The following TSPEAR variants were observed in gnomAD, a reference collection of about 807,000 sequenced individuals.
TSPEAR encodes the protein thrombospondin type laminin G domain and EAR repeats, also known as thrombospondin-type laminin G domain and EAR repeat-containing protein.
Under a neutral mutation model 71.6 loss-of-function variants are expected in TSPEAR, and 69 were observed. The ratio of observed to expected loss-of-function variants is 0.96; its 90% CI spans 0.79 to 1.18. The LOEUF is 1.18. Among genes scored for constraint, TSPEAR ranks in the 50% most tolerant of loss-of-function variants. The probability of loss-of-function intolerance (pLI) is 0.00; values close to 1 mark genes in which losing one functional copy is unlikely to be tolerated. For synonymous variants in TSPEAR, 402 were observed against 387.2 expected (o/e 1.04, Z -0.45); for missense variants, 971 against 894.9 (o/e 1.09, Z -1.09).
At chr21:44,557,501 T>G (rs1601412458) in intron 2 of TSPEAR, among the ~76,000 whole-genome samples, 1 of 149,850 alleles carries the variant, frequency 6.7e-6, no homozygotes, top group African/African-American at 2.5e-5. Flanking sequence ...TGAGTGGGGG[T>G]CAGACAGGCA....
chr21:44,678,690 C>A (rs1986439460), intron 1 of TSPEAR, among the ~76,000 whole-genome samples: 1 of 152,160 alleles, frequency 6.6e-6, no homozygotes, highest in African/African-American at 2.4e-5. Context: ...CAAATTGTCC[C>A]TCTTTGCACA....
At chr21:44,513,680 G>C (rs2052466666) in intron 9 of TSPEAR, among the ~76,000 whole-genome samples, 1 of 152,224 alleles carries the variant, frequency 6.6e-6, no homozygotes, top group South Asian at 2.1e-4. Context: ...CCGGTAATCA[G>C]TGGATTAGTT....
Position 44,499,558 on chromosome 21 carries a change from C to T in TSPEAR, c.*225G>A. ...CACTGGCAGGGGCTCTGGGCCTCTG[C>T]CTGCAAGACCAGACCGTCACTGGGG... On this transcript the variant is annotated 3_prime_UTR_variant, in exon 12 of 12. Coordinates refer to ENST00000323084, the MANE Select transcript of TSPEAR (RefSeq NM_144991.3). 1.9e-6 allele frequency: 1 copy of T among 516,158 alleles called. No individual in the cohort carries two copies. The highest frequency in any genetic ancestry group is 3.4e-6 in the Non-Finnish European group (1 of 296,940). 32.0% of individuals were successfully genotyped at this position (516,158 alleles called of 1,614,324 possible). A position where few individuals can be genotyped will look rare whatever the true frequency, so the allele number is the denominator to read the frequency against.
intron 1 of TSPEAR, among the ~76,000 whole-genome samples, chr21:44,599,134 T>TTCTCTCCCTCTCTCTCTCTCTCTC (rs1980577167): frequency 1.1e-5 from 1 of 92,280 alleles, no homozygotes; most frequent in Non-Finnish European, 2.4e-5. Flanking sequence ...GGCCCCCATT[T>TTCTCTCCCTCTCTCTCTCTCTCTC]TCTCTCTCTC....
chr21:44,606,058 G>A (rs190179616), intron 1 of TSPEAR, among the ~76,000 whole-genome samples: 134 of 150,722 alleles, frequency 8.9e-4, no homozygotes, highest in African/African-American at 3.2e-3. Flanking sequence ...ATTTGATGAG[G>A]GACTACTACT....
In TSPEAR at chr21:44,697,767, G is replaced by A. The variant is rs1987442347; in HGVS notation, c.82+13666C>T. The A allele has an allele frequency of 1.2e-6, 2 of 1,613,960 alleles. No individual in the cohort carries two copies. The highest frequency in any genetic ancestry group is 1.7e-6 in the Non-Finnish European group (2 of 1,179,982). On this transcript the variant is annotated intron_variant, in intron 1 of 11. Transcript: ENST00000323084. ...CCAGCTTGCTGCACCACCTCCTGCT[G>A]CAGACCCTCCTCCTCCGTGTCCCTC...
At position 44,506,960 on chromosome 21, in the gene TSPEAR, C is replaced by T. The variant is rs1215180007; in HGVS notation, c.1755-2079G>A. 1 of 152,264 alleles carries T rather than the reference C, an allele frequency of 6.6e-6. No individual in the cohort carries two copies. The highest frequency in any genetic ancestry group is 1.5e-5 in the Non-Finnish European group (1 of 68,062). 9.4% of individuals were successfully genotyped at this position (152,264 alleles called of 1,614,324 possible). A position where few individuals can be genotyped will look rare whatever the true frequency, so the allele number is the denominator to read the frequency against. On this transcript the variant is annotated intron_variant, in intron 10 of 11. Transcript: ENST00000323084. This position sits in a 1 kb window ranked among gnomAD's most constrained non-coding sequence, Gnocchi z 4.2. ...TCGCTGTAGGACAGATGTTATTCTTCAGAATCACGCCCTCTGGCAAATGCC... is the reference window on the plus strand; with the variant it reads ...TCGCTGTAGGACAGATGTTATTCTTTAGAATCACGCCCTCTGGCAAATGCC...
At chr21:44,657,370 A>G (rs1480587982) in intron 1 of TSPEAR, among the ~76,000 whole-genome samples, 2 of 152,246 alleles carry the variant, frequency 1.3e-5, no homozygotes, top group African/African-American at 4.8e-5. Flanking sequence ...TGTAAAGGGC[A>G]GACAGCAAAT....
intron 2 of TSPEAR, chr21:44,540,238 G>T (rs1267033227): frequency 1.1e-5 from 17 of 1,557,974 alleles, no homozygotes; most frequent in Non-Finnish European, 1.4e-5. Context: ...GTGTGTGAGT[G>T]AGTGTGTGAG....
rs1380245815 is a variant in TSPEAR at position 44,546,951 on chromosome 21, A to AT, written c.304-13029dup. Reference sequence around the variant, plus strand: ...AGTTTTGGCCATTATTTCTTCAATTATTTTTTCTGCTCCCCCTGTCTCCCC... The same window carrying AT: ...AGTTTTGGCCATTATTTCTTCAATTATTTTTTTCTGCTCCCCCTGTCTCCCC... On this transcript the variant is annotated intron_variant, in intron 2 of 11. Coordinates refer to ENST00000323084, the MANE Select transcript of TSPEAR (RefSeq NM_144991.3). The surrounding 1 kb of genome is among the most constrained non-coding windows in gnomAD (Gnocchi z 4.4). Among the ~76,000 whole-genome samples, 2 of 151,864 alleles carry AT rather than the reference A, an allele frequency of 1.3e-5. No homozygotes were observed. Among genetic ancestry groups the AT allele is most frequent in the South Asian group, 4.2e-4 (2 of 4,814 alleles).
At chr21:44,631,025 A>G (rs1234373056) in intron 1 of TSPEAR, among the ~76,000 whole-genome samples, 1 of 152,224 alleles carries the variant, frequency 6.6e-6, no homozygotes, top group Non-Finnish European at 1.5e-5. Context: ...GTTTTCAACA[A>G]AAATTATGAG....
In TSPEAR at chr21:44,540,720, A is replaced by G. The variant is rs1276033984; in HGVS notation, c.304-6797T>C. Among the ~76,000 whole-genome samples the G allele has an allele frequency of 3.3e-5, 5 of 152,186 alleles. No homozygotes were observed. In the South Asian group the frequency reaches 8.3e-4, roughly 25 times the overall value. On this transcript the variant is annotated intron_variant, in intron 2 of 11. Transcript: ENST00000323084. Reference sequence around the variant, plus strand: ...GGTGGCCCTGCACATTCCTTCCCCCATCCCCATCACTGAAGAAATTAGAGC... The same window carrying G: ...GGTGGCCCTGCACATTCCTTCCCCCGTCCCCATCACTGAAGAAATTAGAGC...
chr21:44,699,209 A>G (rs553319777), intron 1 of TSPEAR, among the ~76,000 whole-genome samples: 1 of 151,838 alleles, frequency 6.6e-6, no homozygotes, highest in East Asian at 1.9e-4. Context: ...AAAATTAATT[A>G]ATTAATTAAA....
chr21:44,531,478 C>T (rs2052971352), intron 3 of TSPEAR, among the ~76,000 whole-genome samples: 1 of 152,190 alleles, frequency 6.6e-6, no homozygotes, highest in South Asian at 2.1e-4. Context: ...TGGAGCAGGG[C>T]CCGCCTCACT....
At chr21:44,532,148 G>C (rs1555915838) in intron 3 of TSPEAR, among the ~76,000 whole-genome samples, 1 of 152,216 alleles carries the variant, frequency 6.6e-6, no homozygotes, top group African/African-American at 2.4e-5. Context: ...GTTCTTCCGT[G>C]GCCACAATTG....
At chr21:44,615,611 G>A (rs1982037628) in intron 1 of TSPEAR, among the ~76,000 whole-genome samples, 2 of 147,736 alleles carry the variant, frequency 1.4e-5, no homozygotes. Flanking sequence ...CAGTGCTGTA[G>A]CCACATGGCG....
chr21:44,633,681 T>G (rs1983380694), intron 1 of TSPEAR, among the ~76,000 whole-genome samples: 1 of 152,224 alleles, frequency 6.6e-6, no homozygotes, highest in African/African-American at 2.4e-5. Flanking sequence ...AGAATTTGTA[T>G]TCTGCTGTTG....
intron 5 of TSPEAR, among the ~76,000 whole-genome samples, 187 bp downstream of exon 5, chr21:44,529,611 C>T (rs1028317468): frequency 3.3e-5 from 5 of 152,108 alleles, no homozygotes; most frequent in African/African-American, 1.2e-4. Context: ...CTGATGGTGC[C>T]GCCTGCCTTC....
chr21:44,647,043 G>C (rs1984457458), intron 1 of TSPEAR: 1 of 1,613,468 alleles, frequency 6.2e-7, no homozygotes, highest in African/African-American at 1.3e-5. Context: ...TCTGCTGCAA[G>C]ACTGTCTACT....
Sources: allele counts gnomAD v4.1 joint callset (sites outside exome capture counted in the v4.1 genomes callset), GRCh38; gene constraint gnomAD v4.1.1; non-coding constraint Gnocchi (gnomAD v3.1); transcripts MANE v1.5; gene names NCBI Gene and HGNC (gene_info 2026-07-23, HGNC 2026-07-21).